The following TTI1 variants were observed in gnomAD, a reference collection of about 807,000 sequenced individuals.
TTI1 encodes TELO2-interacting protein 1 homolog.
In TTI1, 52 loss-of-function variants were observed where a neutral mutation model predicts 85.4. That is an observed-to-expected ratio of 0.61 (90% CI 0.49 to 0.77). The LOEUF is 0.77. Among genes scored for constraint, TTI1 ranks in the 30% least tolerant of loss-of-function variants. The pLI, the probability that TTI1 is intolerant of heterozygous loss-of-function variation, is 0.00. For missense variants in TTI1, 1,173 were observed against 1,296.0 expected, an observed-to-expected ratio of 0.91 and a Z score of 1.46; for synonymous variants, 512 against 503.9, an observed-to-expected ratio of 1.02 and a Z score of -0.22.
intron 1 of TTI1, chr20:38,019,178 A>G (rs1397284839): frequency 6.6e-6 from 1 of 151,986 alleles, no homozygotes; most frequent in Non-Finnish European, 1.5e-5. Flanking sequence ...TGAAATTCAG[A>G]TATTTACAAC....
Position 38,006,491 on chromosome 20 carries a change from G to A in TTI1, c.2303-94C>T. ...TAAGCTCTCTGCCCTGGCCTGCACA[G>A]CCCCCACATGATTCAGTCCCTGCCT... On this transcript the variant is annotated intron_variant, in intron 2 of 7. Transcript: ENST00000373447. The A allele has an allele frequency of 3.6e-6, 5 of 1,374,336 alleles. No individual in the cohort carries two copies. The South Asian group carries it at 4.9e-5, about 14-fold the overall frequency. 85.1% of individuals were successfully genotyped at this position (1,374,336 alleles called of 1,614,324 possible).
At chr20:38,020,323 A>ATATATATATATATATATATATATAT (rs1555795789) in intron 1 of TTI1, among the ~76,000 whole-genome samples, 11 of 50,364 alleles carry the variant, frequency 2.2e-4, no homozygotes, top group Non-Finnish European at 3.6e-4. Flanking sequence ...AAAAAAAAAA[A>ATATATATATATATATATATATATAT]ATATATATAT....
At chr20:38,003,580 C>T (rs936003410) in intron 3 of TTI1, among the ~76,000 whole-genome samples, 2 of 152,032 alleles carry the variant, frequency 1.3e-5, no homozygotes, top group African/African-American at 4.8e-5. Context: ...TGGCAAAACC[C>T]CATCTCTACT....
intron 1 of TTI1, among the ~76,000 whole-genome samples, chr20:38,030,048 G>A (rs747327653): frequency 5.9e-5 from 9 of 152,248 alleles, no homozygotes; most frequent in East Asian, 1.9e-4. Context: ...CAAAGACAGG[G>A]AATACCACAA....
chr20:37,984,642 G>A (rs952364540), intron 7 of TTI1, among the ~76,000 whole-genome samples: 7 of 152,290 alleles, frequency 4.6e-5, no homozygotes, highest in East Asian at 1.9e-4. Flanking sequence ...TCGCCTGCTC[G>A]GAGGCTGGGC....
Position 38,012,198 on chromosome 20 carries a change from T to A in TTI1, c.1619A>T (p.Asp540Val). 6.2e-7 allele frequency: 1 copy of A among 1,614,202 alleles called. No individual in the cohort carries two copies. The highest frequency in any genetic ancestry group is 8.5e-7 in the Non-Finnish European group (1 of 1,180,042). The change falls in exon 2 of 8, where the codon GAT (aspartate) becomes GTT (valine). Residue 540 changes from aspartate to valine, a missense_variant. Physicochemically the swap from Asp to Val is radical, Grantham distance 152. Coordinates refer to ENST00000373447, the MANE Select transcript of TTI1 (RefSeq NM_001303457.2). ...VTGAAGLEVE[D>V]LHEKHIKTNP... ...TGTTTTAATATGTTTTTCGTGAAGA[T>A]CCTCAACCTCCAGCCCAGCAGCCCC...
chr20:38,001,375 A>G lies in TTI1; in HGVS notation c.2652+1253T>C, dbSNP rs143264394. ...AGAAACAGGATTTGGACTGACTCAG[A>G]TATGTAGGTCTGACTCCAACACTGA... is the stretch of plus-strand genomic sequence containing the variant. On this transcript the variant is annotated intron_variant, in intron 4 of 7. Coordinates refer to ENST00000373447, the MANE Select transcript of TTI1 (RefSeq NM_001303457.2). Among the ~76,000 whole-genome samples the G allele has an allele frequency of 8.0e-3, 1,215 of 152,334 alleles. 6 individuals are homozygous for G. The highest frequency in any genetic ancestry group is 0.023 in the African/African-American group (950 of 41,564).
At chr20:38,007,164 C>T (rs1252027336) in intron 2 of TTI1, among the ~76,000 whole-genome samples, 4 of 152,248 alleles carry the variant, frequency 2.6e-5, no homozygotes, top group East Asian at 3.8e-4. Context: ...CTGGCAAACA[C>T]GTCCAAGTGA....
At chr20:38,026,294 G>C (rs1197421345) in intron 1 of TTI1, among the ~76,000 whole-genome samples, 1 of 152,056 alleles carries the variant, frequency 6.6e-6, no homozygotes, top group Non-Finnish European at 1.5e-5. Flanking sequence ...CAAGTACCTG[G>C]GATTACAGGT....
chr20:37,999,096 G>A (rs752872068), intron 5 of TTI1, 92 bp downstream of exon 5: 5 of 1,257,392 alleles, frequency 4.0e-6, no homozygotes, highest in Non-Finnish European at 5.1e-6. Flanking sequence ...CATTGCAATC[G>A]GGTGAAGAGA....
At position 37,996,746 on chromosome 20, in the gene TTI1, C is replaced by A; in HGVS notation, c.2998+3G>T. 1 of 1,603,290 alleles carries A rather than the reference C, an allele frequency of 6.2e-7. No homozygotes were observed. The highest frequency in any genetic ancestry group is 8.5e-7 in the Non-Finnish European group (1 of 1,172,756). On this transcript the variant is annotated splice_donor_region_variant and intron_variant, in intron 6 of 7. Transcript: ENST00000373447. The stretch of plus-strand genomic sequence containing the variant: ...TGTTCAGGTGGAACTGCCTGGTACC[C>A]ACCTAGGTCCAGTCTCTCACAGAGG...
chr20:38,024,914 C>A (rs1365588932), intron 1 of TTI1, among the ~76,000 whole-genome samples: 1 of 152,136 alleles, frequency 6.6e-6, no homozygotes, highest in Non-Finnish European at 1.5e-5. Context: ...TTCACCACTG[C>A]CCAGTGGTAA....
rs2073587258 is a variant in TTI1 at position 38,011,528 on chromosome 20, C to G, written c.2289G>C (p.Leu763=). 6.2e-7 allele frequency: 1 copy of G among 1,613,896 alleles called. No homozygotes were observed. Among genetic ancestry groups the G allele is most frequent in the Admixed American group, 1.7e-5 (1 of 59,994 alleles). ...CTCTCAATGTACCTAATGCTGCCATCAGAGCATGCAGAACGCTGACAAAGG... is the reference window on the plus strand; with the variant it reads ...CTCTCAATGTACCTAATGCTGCCATGAGAGCATGCAGAACGCTGACAAAGG... The part of the protein sequence containing the change: ...AASFVSVLHA[L]MAALAQWFPD... The change falls in exon 2 of 8, where the codon CTG becomes CTC. Residue 763 remains leucine, a synonymous_variant. Coordinates refer to ENST00000373447, the MANE Select transcript of TTI1 (RefSeq NM_001303457.2).
intron 7 of TTI1, among the ~76,000 whole-genome samples, chr20:37,992,120 G>A (rs2073273415): frequency 6.6e-6 from 1 of 152,180 alleles, no homozygotes; most frequent in Admixed American, 6.5e-5. Context: ...CAGGACTTGC[G>A]TGGCCAGAAG....
intron 3 of TTI1, chr20:38,005,760 T>C (rs1176047272): frequency 1.3e-5 from 2 of 151,348 alleles, no homozygotes; most frequent in Non-Finnish European, 2.9e-5. Context: ...ATCCTACTTC[T>C]GGGAATTTAA....
chr20:38,008,082 G>GT (rs2122563390), intron 2 of TTI1, among the ~76,000 whole-genome samples: 1 of 152,246 alleles, frequency 6.6e-6, no homozygotes, highest in South Asian at 2.1e-4. Flanking sequence ...CTATAATAAG[G>GT]TGCTATTTTT....
chr20:37,988,974 G>A lies in TTI1; in HGVS notation c.3087-5335C>T, dbSNP rs116824224. 2.2e-3 allele frequency among the ~76,000 whole-genome samples: 338 copies of A among 152,226 alleles called. 2 individuals carry two copies. The highest frequency in any genetic ancestry group is 7.9e-3 in the African/African-American group (328 of 41,516). On this transcript the variant is annotated intron_variant, in intron 7 of 7. Transcript: ENST00000373447. ...AAATGGATGCTCAGGGTGTTGATGC[G>A]TCCTAGCCAGCAAGCAGTGGGGCTA...
chr20:37,996,820 T>C lies in TTI1; in HGVS notation c.2927A>G (p.His976Arg). ...ISARAGPVYS[H>R]TLAFKLQLAV... Reference sequence around the variant, plus strand: ...CAGCTGCAACTTGAAGGCCAGCGTGTGCGAGTAAACTGGTCCAGCCCTGGC... The same window carrying C: ...CAGCTGCAACTTGAAGGCCAGCGTGCGCGAGTAAACTGGTCCAGCCCTGGC... Residue 976 changes from histidine to arginine, a missense_variant, in exon 6 of 8, where the codon CAC (histidine) becomes CGC (arginine). Coordinates refer to ENST00000373447, the MANE Select transcript of TTI1 (RefSeq NM_001303457.2). The C allele has an allele frequency of 2.5e-6, 4 of 1,614,012 alleles. No individual in the cohort carries two copies. The highest frequency in any genetic ancestry group is 3.4e-6 in the Non-Finnish European group (4 of 1,179,918).
chr20:38,023,705 A>C (rs1331837842), intron 1 of TTI1, among the ~76,000 whole-genome samples: 1 of 152,230 alleles, frequency 6.6e-6, no homozygotes, highest in Non-Finnish European at 1.5e-5. Context: ...CTGTTTGTTT[A>C]ATAAATAAGT....
Sources: allele counts gnomAD v4.1 joint callset (sites outside exome capture counted in the v4.1 genomes callset), GRCh38; gene constraint gnomAD v4.1.1; transcripts MANE v1.5; gene names NCBI Gene and HGNC (gene_info 2026-07-23, HGNC 2026-07-21).